The following SLC6A4 variants were observed in gnomAD, a reference collection of about 807,000 sequenced individuals.
SLC6A4 encodes the protein solute carrier family 6 member 4, also known as sodium-dependent serotonin transporter.
A neutral mutation model predicts 73.4 loss-of-function variants in SLC6A4; 22 were observed. That is an observed-to-expected ratio of 0.30 (90% CI 0.21 to 0.43). SLC6A4 has a LOEUF of 0.43. Among genes scored for constraint, SLC6A4 ranks in the 20% least tolerant of loss-of-function variants. The probability of loss-of-function intolerance (pLI) is 1.00; values close to 1 mark genes in which losing one functional copy is unlikely to be tolerated. For missense variants in SLC6A4, 593 were observed against 808.5 expected (o/e 0.73, Z 3.23); for synonymous variants, 270 against 315.5 (o/e 0.86, Z 1.53).
At chr17:30,224,659 C>A (rs200528133) in intron 1 of SLC6A4, among the ~76,000 whole-genome samples, 1 of 152,206 alleles carries the variant, frequency 6.6e-6, no homozygotes, top group Non-Finnish European at 1.5e-5. Flanking sequence ...AAGGGAAATG[C>A]GGTCCATCTC....
At chr17:30,218,760 G>A (rs765277642) in intron 4 of SLC6A4, 37 bp downstream of exon 4, 2 of 1,610,884 alleles carry the variant, frequency 1.2e-6, no homozygotes, top group Admixed American at 3.3e-5. Context: ...CTTCCTGAGA[G>A]GCTCCACTTA....
chr17:30,223,812 C>G (rs1906846692), intron 1 of SLC6A4, among the ~76,000 whole-genome samples: 1 of 152,106 alleles, frequency 6.6e-6, no homozygotes, highest in Non-Finnish European at 1.5e-5. Flanking sequence ...ATAACCTCAC[C>G]CTGCTCACCA....
In SLC6A4 at chr17:30,218,915, G is replaced by A. The variant is rs544018468; in HGVS notation, c.360C>T (p.Pro120=). The A allele has an allele frequency of 2.5e-6, 4 of 1,614,164 alleles. No homozygotes were observed. The Admixed American group carries it at 6.7e-5, about 27-fold the overall frequency. Reference sequence around the variant, plus strand: ...CCCCAAAAATGGCCATGATGGTGTAGGGGAGGAGGAATGCCCCTGAGGCAG... The same window carrying A: ...CCCCAAAAATGGCCATGATGGTGTAAGGGAGGAGGAATGCCCCTGAGGCAG... ...YQNGGGAFLL[P]YTIMAIFGGI... Residue 120 remains proline, a synonymous_variant, in exon 4 of 15, where the codon CCC becomes CCT. Transcript: ENST00000650711.
chr17:30,214,846 G>C (rs1161572212), intron 8 of SLC6A4, among the ~76,000 whole-genome samples: 2 of 151,760 alleles, frequency 1.3e-5, no homozygotes, highest in East Asian at 3.9e-4. Flanking sequence ...TGTTAGCCAG[G>C]ATGGTATCGA....
intron 9 of SLC6A4, among the ~76,000 whole-genome samples, chr17:30,212,493 C>G (rs552012167): frequency 1.3e-5 from 2 of 152,344 alleles, no homozygotes; most frequent in South Asian, 4.1e-4. Context: ...CTCAAGCAAT[C>G]TTCCCACCTC....
Position 30,207,781 on chromosome 17 carries a change from C to T in SLC6A4, c.1601G>A (p.Gly534Glu). Residue 534 changes from glycine (G) to glutamate (E), a missense_variant, in exon 13 of 15, where the codon GGG becomes GAG. By Grantham distance (98) the Gly-to-Glu change is moderately conservative. Transcript: ENST00000650711. ...DVKEMLGFSPGWFWRICWVAI... is the reference protein window; with the variant it reads ...DVKEMLGFSPEWFWRICWVAI... ...CACCCAGCAGATCCTCCAGAACCACCCCGGGCTGAAGCCGAGCATTTCCTT... is the reference window on the plus strand; with the variant it reads ...CACCCAGCAGATCCTCCAGAACCACTCCGGGCTGAAGCCGAGCATTTCCTT... 6.2e-7 allele frequency: 1 copy of T among 1,614,088 alleles called. No homozygotes were observed. The highest frequency in any genetic ancestry group is 1.1e-5 in the South Asian group (1 of 91,072).
chr17:30,223,357 C>A (rs1906829733), intron 1 of SLC6A4, among the ~76,000 whole-genome samples: 1 of 152,218 alleles, frequency 6.6e-6, no homozygotes, highest in Non-Finnish European at 1.5e-5. Context: ...TGGCTAGGAA[C>A]TGGCTAATAG....
At position 30,215,597 on chromosome 17, in the gene SLC6A4, C is replaced by T. The variant is rs1361487885; in HGVS notation, c.1076+14G>A. The T allele has an allele frequency of 1.2e-6, 2 of 1,603,934 alleles. No homozygotes were observed. Among genetic ancestry groups the T allele is most frequent in the South Asian group, 2.2e-5 (2 of 90,904 alleles). The stretch of plus-strand genomic sequence containing the variant: ...GCCACTTTCAAGCTTTGCTTGGGGA[C>T]CCCAGATACTCACTGGTAGCAGTTG... On this transcript the variant is annotated intron_variant, in intron 8 of 14. Transcript: ENST00000650711.
At chr17:30,227,204 C>T (rs540683136) in intron 1 of SLC6A4, among the ~76,000 whole-genome samples, 10 of 152,286 alleles carry the variant, frequency 6.6e-5, no homozygotes, top group South Asian at 2.1e-4. Flanking sequence ...TGGGGGCTCA[C>T]GTTTGCATCT....
At position 30,228,580 on chromosome 17, in the gene SLC6A4, A is replaced by G. The variant is rs139317456; in HGVS notation, c.-220-5665T>C. Among the ~76,000 whole-genome samples the G allele has an allele frequency of 3.6e-3, 554 of 152,308 alleles. 5 individuals carry two copies. The highest frequency in any genetic ancestry group is 0.013 in the African/African-American group (524 of 41,562). ...GCTGCTCTCCCAGAGATTCTAATTC[A>G]AGAGATCCACGTGGGCACTCAGGGA... On this transcript the variant is annotated intron_variant, in intron 1 of 14. Coordinates refer to ENST00000650711, the MANE Select transcript of SLC6A4 (RefSeq NM_001045.6).
At chr17:30,220,921 G>A (rs905459056) in intron 3 of SLC6A4, among the ~76,000 whole-genome samples, 13 of 151,976 alleles carry the variant, frequency 8.6e-5, no homozygotes, top group African/African-American at 2.4e-4. Flanking sequence ...TTCACAACCC[G>A]GAGAGCCTCA....
chr17:30,215,370 T>A (rs717742), intron 8 of SLC6A4, among the ~76,000 whole-genome samples: 106,172 of 152,188 alleles, frequency 0.7, 40,038 homozygotes, highest in East Asian at 0.9. Context: ...ACAGGAGCGC[T>A]GACAAAACCG....
chr17:30,226,895 A>G (rs1906947687), intron 1 of SLC6A4, among the ~76,000 whole-genome samples: 1 of 149,498 alleles, frequency 6.7e-6, no homozygotes, highest in African/African-American at 2.5e-5. Context: ...AAAAGAAAGA[A>G]AAAAGAAACA....
chr17:30,227,296 T>C (rs1251227733), intron 1 of SLC6A4, among the ~76,000 whole-genome samples: 1 of 152,150 alleles, frequency 6.6e-6, no homozygotes, highest in Non-Finnish European at 1.5e-5. Flanking sequence ...TGCCTTGCCT[T>C]TCCAATGAAT....
At chr17:30,230,098 G>GGAAGAGGAA (rs58106018) in intron 1 of SLC6A4, among the ~76,000 whole-genome samples, 7 of 89,554 alleles carry the variant, frequency 7.8e-5, no homozygotes, top group African/African-American at 3.2e-4. Flanking sequence ...AAGAAGAAGA[G>GGAAGAGGAA]GAGGAAGAGG....
At chr17:30,221,591 T>TC (rs748148190) in intron 3 of SLC6A4, 25 bp downstream of exon 3, 1 of 1,595,734 alleles carries the variant, frequency 6.3e-7, no homozygotes, top group African/African-American at 1.3e-5. Context: ...GGTCACAGCC[T>TC]CTACTCGCAG....
chr17:30,230,107 GGAAGAGGAA>G (rs1374940573), intron 1 of SLC6A4, among the ~76,000 whole-genome samples: 15 of 106,196 alleles, frequency 1.4e-4, no homozygotes, highest in African/African-American at 5.3e-4. Context: ...AGGAGGAAGA[GGAAGAGGAA>G]GAGGAAGAGG....
At chr17:30,217,053 A>G in intron 6 of SLC6A4, 113 bp downstream of exon 6, 2 of 909,754 alleles carry the variant, frequency 2.2e-6, no homozygotes, top group East Asian at 2.5e-5. Flanking sequence ...TGCATCATGG[A>G]ATGTGTTTGG....
intron 8 of SLC6A4, 35 bp from the exon 9 acceptor site, chr17:30,212,902 G>C (rs758920301): frequency 1.2e-6 from 2 of 1,612,194 alleles, no homozygotes; most frequent in East Asian, 4.5e-5. Flanking sequence ...GCCTGAGACA[G>C]TTCCAAGATC....
Sources: allele counts gnomAD v4.1 joint callset (sites outside exome capture counted in the v4.1 genomes callset), GRCh38; gene constraint gnomAD v4.1.1; transcripts MANE v1.5; gene names NCBI Gene and HGNC (gene_info 2026-07-23, HGNC 2026-07-21).